The following CSMD3 variants were observed in gnomAD, a reference collection of about 807,000 sequenced individuals.
CSMD3 encodes CUB and sushi domain-containing protein 3.
CSMD3 carries 177 observed loss-of-function variants against 435.2 expected under a neutral mutation model. The observed-to-expected ratio is 0.41, with a 90% CI of 0.36 to 0.46. CSMD3 has a LOEUF of 0.46. Among genes scored for constraint, CSMD3 ranks in the 20% least tolerant of loss-of-function variants. The pLI, the probability that CSMD3 is intolerant of heterozygous loss-of-function variation, is 0.34. For synonymous variants in CSMD3, 1,656 were observed against 1,520.5 expected, an observed-to-expected ratio of 1.09 and a Z score of -2.07; for missense variants, 4,265 against 4,504.6, an observed-to-expected ratio of 0.95 and a Z score of 1.52.
At chr8:113,243,860 G>T (rs1328212749) in intron 3 of CSMD3, among the ~76,000 whole-genome samples, 1 of 152,078 alleles carries the variant, frequency 6.6e-6, no homozygotes, top group Non-Finnish European at 1.5e-5. Context: ...CATAACTAAT[G>T]ATGTTGAACA....
chr8:113,069,110 CA>C (rs1488500140), intron 5 of CSMD3, among the ~76,000 whole-genome samples: 3 of 151,546 alleles, frequency 2.0e-5, no homozygotes, highest in African/African-American at 7.3e-5. Flanking sequence ...ACCTCCCTGC[CA>C]AAAAAAACCA....
At chr8:112,502,303 C>T (rs911432802) in intron 30 of CSMD3, among the ~76,000 whole-genome samples, 1 of 152,190 alleles carries the variant, frequency 6.6e-6, no homozygotes, top group Admixed American at 6.5e-5. Context: ...ACAGCCAACA[C>T]CCCAAACCTC....
At chr8:112,361,320 T>C (rs1827179405) in intron 38 of CSMD3, among the ~76,000 whole-genome samples, 1 of 151,630 alleles carries the variant, frequency 6.6e-6, no homozygotes, top group Middle Eastern at 3.2e-3. Context: ...GACCAATCCA[T>C]ACAAAAAATT....
chr8:112,298,082 A>T lies in CSMD3; in HGVS notation c.8441-2076T>A, dbSNP rs920203567. Among the ~76,000 whole-genome samples, 6 of 150,162 alleles carry T rather than the reference A, an allele frequency of 4.0e-5. No homozygotes were observed. The South Asian group carries it at 8.4e-4, about 21-fold the overall frequency. ...GCCATTGCACAAAAAAAAAAAAAAA[A>T]AAAAAAAATAAGTAAAGACCCAAAC... On this transcript the variant is annotated intron_variant, in intron 53 of 70. Coordinates refer to ENST00000297405, the MANE Select transcript of CSMD3 (RefSeq NM_198123.2).
intron 3 of CSMD3, among the ~76,000 whole-genome samples, chr8:113,215,754 G>A (rs1224844141): frequency 1.3e-5 from 2 of 151,580 alleles, no homozygotes. Context: ...ACACATTTTT[G>A]TGGCTTCAGT....
At chr8:112,395,465 T>C (rs1188969590) in intron 35 of CSMD3, among the ~76,000 whole-genome samples, 1 of 152,186 alleles carries the variant, frequency 6.6e-6, no homozygotes, top group Non-Finnish European at 1.5e-5. Flanking sequence ...TATTTCTTCA[T>C]GAACTTTTTT....
At chr8:113,295,553 A>G (rs2093714678) in intron 2 of CSMD3, among the ~76,000 whole-genome samples, 2 of 152,204 alleles carry the variant, frequency 1.3e-5, no homozygotes. Flanking sequence ...ATTTAGCAAT[A>G]GGCCGATTTA....
At chr8:112,355,843 T>C (rs551793113) in intron 38 of CSMD3, among the ~76,000 whole-genome samples, 1 of 140,972 alleles carries the variant, frequency 7.1e-6, no homozygotes, top group South Asian at 2.2e-4. Context: ...AAAAAATAAA[T>C]AGATAAAAAA....
At chr8:112,506,915 A>AGAGCTTAT in intron 28 of CSMD3, 86 bp from the exon 29 acceptor site, 1 of 1,192,648 alleles carries the variant, frequency 8.4e-7, no homozygotes, top group East Asian at 2.6e-5. Context: ...CGTCTCTAAA[A>AGAGCTTAT]GAGCTTATGA....
rs1824940568 is a variant in CSMD3 at position 112,526,177 on chromosome 8, T to G, written c.4565-8952A>C. On this transcript the variant is annotated intron_variant, in intron 27 of 70. Coordinates refer to ENST00000297405, the MANE Select transcript of CSMD3 (RefSeq NM_198123.2). The stretch of plus-strand genomic sequence containing the variant: ...TTTTAGCACTGTACTAACTGAATAT[T>G]TTAAGATATTCAGTGGATTTTAATG... Among the ~76,000 whole-genome samples the G allele has an allele frequency of 3.3e-5, 5 of 151,820 alleles. 1 individual carries two copies. In the South Asian group the frequency reaches 1.0e-3, roughly 31 times the overall value.
intron 3 of CSMD3, among the ~76,000 whole-genome samples, chr8:113,274,395 C>G (rs556065888): frequency 2.0e-5 from 3 of 152,090 alleles, no homozygotes; most frequent in Admixed American, 6.6e-5. Context: ...AAGGTGAGAA[C>G]TGGTTCGTGG....
intron 9 of CSMD3, among the ~76,000 whole-genome samples, chr8:112,930,637 A>G (rs866547107): frequency 3.3e-5 from 5 of 152,234 alleles, no homozygotes; most frequent in African/African-American, 1.2e-4. Context: ...TGAATAGAGC[A>G]TTCTAGTTTA....
chr8:112,321,017 A>G (rs1201124884), intron 45 of CSMD3, among the ~76,000 whole-genome samples: 2 of 152,126 alleles, frequency 1.3e-5, no homozygotes, highest in African/African-American at 2.4e-5. Flanking sequence ...CTTCATGCCT[A>G]CTATCCTCAC....
chr8:113,347,433 T>C (rs749792733), intron 1 of CSMD3, among the ~76,000 whole-genome samples: 1 of 152,098 alleles, frequency 6.6e-6, no homozygotes, highest in Non-Finnish European at 1.5e-5. Context: ...AAGGTGAAAA[T>C]CAGGCGGTTT....
intron 1 of CSMD3, among the ~76,000 whole-genome samples, chr8:113,429,433 C>T (rs1454515342): frequency 6.6e-6 from 1 of 151,850 alleles, no homozygotes; most frequent in Non-Finnish European, 1.5e-5. Flanking sequence ...TTAAGTACTG[C>T]CCCTCAATGC....
chr8:112,917,982 C>A (rs2130595860), intron 10 of CSMD3, among the ~76,000 whole-genome samples: 1 of 152,024 alleles, frequency 6.6e-6, no homozygotes, highest in Non-Finnish European at 1.5e-5. Flanking sequence ...ATTATTTTCT[C>A]CAACTCAACG....
intron 13 of CSMD3, among the ~76,000 whole-genome samples, chr8:112,793,336 G>T (rs1445200412): frequency 2.6e-5 from 4 of 151,140 alleles, no homozygotes; most frequent in African/African-American, 9.7e-5. Context: ...AAAAAAAAGA[G>T]CATAGTGAAC....
At chr8:112,994,362 A>G (rs1468802016) in intron 6 of CSMD3, among the ~76,000 whole-genome samples, 2 of 151,688 alleles carry the variant, frequency 1.3e-5, no homozygotes, top group Non-Finnish European at 3.0e-5. Context: ...ACAAAAGACA[A>G]CTAAAAACTG....
chr8:112,855,242 C>T (rs559856564), intron 11 of CSMD3, among the ~76,000 whole-genome samples: 4 of 152,196 alleles, frequency 2.6e-5, no homozygotes, highest in Middle Eastern at 3.4e-3. Context: ...CTCTTGCTCA[C>T]ATAAATAAAA....
Sources: gnomAD v4.1 joint callset for allele counts (sites outside exome capture counted in the v4.1 genomes callset) on GRCh38, gnomAD v4.1.1 for gene constraint, MANE v1.5 for transcripts, NCBI Gene and HGNC (gene_info 2026-07-23, HGNC 2026-07-21) for gene names.